PCSK7: variants seen among roughly 807,000 people sequenced by gnomAD.
The protein encoded by PCSK7 is lymphoma proprotein convertase.
PCSK7 carries 38 observed loss-of-function variants against 73.3 expected under a neutral mutation model. The observed-to-expected ratio is 0.52, with a 90% CI of 0.40 to 0.68. The LOEUF (loss-of-function observed/expected upper bound fraction) is 0.68, where lower values mean the gene tolerates loss of function less well. Ranked by LOEUF, PCSK7 falls within the 30% of genes least tolerant of loss-of-function variation. PCSK7 has a pLI of 0.00. For synonymous variants in PCSK7, 296 were observed against 383.8 expected (o/e 0.77, Z 2.68); for missense variants, 692 against 991.5 (o/e 0.70, Z 4.06).
chr11:117,217,730 T>C (rs1197214759), intron 12 of PCSK7: 2 of 151,988 alleles, frequency 1.3e-5, no homozygotes, highest in African/African-American at 4.8e-5. Context: ...TTGCAAAAAG[T>C]AGTAAATGAC....
chr11:117,208,734 G>C, intron 13 of PCSK7, 163 bp downstream of exon 13: 2 of 580,706 alleles, frequency 3.4e-6, no homozygotes, highest in South Asian at 4.8e-5. Flanking sequence ...TGAGGTGCAG[G>C]GCCTAGCGCT....
chr11:117,223,154 A>G, intron 9 of PCSK7, 54 bp downstream of exon 9: 2 of 1,005,604 alleles, frequency 2.0e-6, no homozygotes, highest in South Asian at 2.5e-5. Flanking sequence ...GATGTCTGAG[A>G]CGTGAAGTCT....
At chr11:117,207,222 GGCCCTGCCC>G (rs1314688500) in intron 14 of PCSK7, 62 bp from the exon 15 acceptor site, 1 of 754,916 alleles carries the variant, frequency 1.3e-6, no homozygotes, top group Non-Finnish European at 2.3e-6. Context: ...AGACAGCAGA[GGCCCTGCCC>G]GCCCTGCCAC....
Position 117,227,236 on chromosome 11 carries a change from C to A in PCSK7, c.690G>T (p.Thr230=), listed in dbSNP as rs2306473. The change falls in exon 5 of 17, where the codon ACG becomes ACT. Residue 230 remains threonine, a synonymous_variant. Transcript: ENST00000320934. ...PDVENGNHHG[T]RCAGEIAAVP... ...CAGCCGCGATCTCTCCTGCACATCG[C>A]GTGCCATGGTGGTTGCCATTCTCCA... The A allele has an allele frequency of 1.2e-6, 2 of 1,613,592 alleles. No homozygotes were observed. The highest frequency in any genetic ancestry group is 1.3e-5 in the African/African-American group (1 of 74,908).
chr11:117,213,909 C>T (rs1030218814), intron 12 of PCSK7: 1 of 151,330 alleles, frequency 6.6e-6, no homozygotes, highest in East Asian at 1.9e-4. Context: ...TCCCAGAAGA[C>T]GCCAGGGTTC....
rs764947798 is a variant in PCSK7, at chr11:117,219,694, G to T, written c.1220C>A (p.Ala407Asp). The T allele has an allele frequency of 6.2e-7, 1 of 1,611,670 alleles. No individual in the cohort carries two copies. Among genetic ancestry groups the T allele is most frequent in the East Asian group, 2.2e-5 (1 of 44,716 alleles). ...GCTEGHTGTS[A>D]AAPLAAGMIA... ...CATGCCAGCTGCCAGAGGCGCTGCA[G>T]CTGAGGTCCCTGTGTGGCCCTCAGT... Residue 407 changes from alanine (A) to aspartate (D), a missense_variant, in exon 10 of 17, where the codon GCT (alanine) becomes GAT (aspartate). This residue lies in a region of PCSK7 where 574 missense variants were observed against 689.8 expected (regional missense o/e 0.83). Transcript: ENST00000320934.
At chr11:117,226,470 C>T (rs1273399995) in intron 5 of PCSK7, 2 of 167,424 alleles carry the variant, frequency 1.2e-5, no homozygotes, top group African/African-American at 2.4e-5. Context: ...ACCATGTATA[C>T]GTATTACTTG....
chr11:117,222,576 G>A (rs2032244962), intron 9 of PCSK7: 1 of 152,004 alleles, frequency 6.6e-6, no homozygotes, highest in South Asian at 2.1e-4. Flanking sequence ...TTTACCAAAG[G>A]AAGACACTGC....
Position 117,218,769 on chromosome 11 carries a change from G to A in PCSK7, c.1432-201C>T, listed in dbSNP as rs563954775. On this transcript the variant is annotated intron_variant, in intron 11 of 16. Transcript: ENST00000320934. The surrounding 1 kb of genome is among the most constrained non-coding windows in gnomAD (Gnocchi z 4.0). ...TACAGCCCCCAGCTAAGGAACCAGA[G>A]GAAACAGCTGTGTCCAGGGTGGAGG... 37 of 565,778 alleles carry A rather than the reference G, an allele frequency of 6.5e-5. 1 individual carries two copies. The highest frequency in any genetic ancestry group is 4.4e-4 in the South Asian group (19 of 43,150). 35.0% of individuals were successfully genotyped at this position (565,778 alleles called of 1,614,324 possible).
At chr11:117,214,354 G>A (rs1412077297) in intron 12 of PCSK7, 1 of 151,860 alleles carries the variant, frequency 6.6e-6, no homozygotes, top group Non-Finnish European at 1.5e-5. Flanking sequence ...CTCATTTGTG[G>A]AGAGGTGGTA....
chr11:117,226,225 C>T (rs964512721), intron 5 of PCSK7: 3 of 568,318 alleles, frequency 5.3e-6, no homozygotes, highest in South Asian at 2.1e-5. Context: ...CAGCCTCCAC[C>T]TCCTGGGTTC....
chr11:117,224,816 C>CTGAGACTGGGAGGCGCTGGGTG, intron 6 of PCSK7, 61 bp from the exon 7 acceptor site: 1 of 1,262,100 alleles, frequency 7.9e-7, no homozygotes, highest in Non-Finnish European at 1.2e-6. Flanking sequence ...ACCCACCCAG[C>CTGAGACTGGGAGGCGCTGGGTG]GCCTCCCAGT....
In PCSK7 at chr11:117,219,867, C is replaced by T. The variant is rs933002743; in HGVS notation, c.1156-109G>A. ...CTGGGAGGCCCAGGCAGGAGGATTG[C>T]TTGAGCACAGGAGTTATGACTGTGC... On this transcript the variant is annotated intron_variant, in intron 9 of 16. Coordinates refer to ENST00000320934, the MANE Select transcript of PCSK7 (RefSeq NM_004716.4). 82 of 751,648 alleles carry T rather than the reference C, an allele frequency of 1.1e-4. No homozygotes were observed. The East Asian group carries it at 1.9e-3, about 17-fold the overall frequency. 46.6% of individuals were successfully genotyped at this position (751,648 alleles called of 1,614,324 possible).
chr11:117,228,295 T>C lies in PCSK7; in HGVS notation c.524A>G (p.Asn175Ser), dbSNP rs780033104. ...CACCGTCACCCCTCGCCCAGTCACA[T>C]TGCGTTCCCACACACCCGTCACGTT... ...DINVTGVWERNVTGRGVTVVV... is the reference protein window; with the variant it reads ...DINVTGVWERSVTGRGVTVVV... Residue 175 changes from asparagine to serine, a missense_variant, in exon 4 of 17, where the codon AAT (asparagine) becomes AGT (serine). By Grantham distance (46) the Asn-to-Ser change is conservative (BLOSUM62 1). Around this residue, in one of 6 missense-constraint regions of PCSK7, gnomAD observed 574 missense variants for 689.8 expected, o/e 0.83. Transcript: ENST00000320934. The C allele has an allele frequency of 1.7e-5, 28 of 1,613,824 alleles. No homozygotes were observed. Among genetic ancestry groups the C allele is most frequent in the Admixed American group, 1.7e-4 (10 of 59,992 alleles).
At chr11:117,229,117 A>G (rs1464869300) in intron 3 of PCSK7, among the ~76,000 whole-genome samples, 1 of 152,218 alleles carries the variant, frequency 6.6e-6, no homozygotes, top group Non-Finnish European at 1.5e-5. Context: ...GCTTGCCCAA[A>G]TGCACATGCT....
In PCSK7 at chr11:117,230,434, C is replaced by T. The variant is rs1425951375; in HGVS notation, c.-98G>A. On this transcript the variant is annotated 5_prime_UTR_variant, in exon 2 of 17. The change creates a new upstream start codon in the 5' untranslated region. Transcript: ENST00000320934. ...AAATGGAGAAAAGGCATCACTTTCACTGTGAGTAGTGTTGACTCAGCAAAG... is the reference window on the plus strand; with the variant it reads ...AAATGGAGAAAAGGCATCACTTTCATTGTGAGTAGTGTTGACTCAGCAAAG... 6.6e-6 allele frequency: 1 copy of T among 152,584 alleles called. No individual in the cohort carries two copies. Among genetic ancestry groups the T allele is most frequent in the Non-Finnish European group, 1.5e-5 (1 of 68,348 alleles). The allele number at this position is 152,584 out of a possible 1,614,324, so 9.5% of individuals were successfully genotyped here. A position where few individuals can be genotyped will look rare whatever the true frequency, so the allele number is the denominator to read the frequency against.
intron 12 of PCSK7, chr11:117,211,536 C>G (rs2031730950): frequency 6.6e-6 from 1 of 152,238 alleles, no homozygotes; most frequent in African/African-American, 2.4e-5. Flanking sequence ...CACAACCCCT[C>G]AAGCTCCTTT....
In PCSK7 at chr11:117,218,385, A is replaced by G; in HGVS notation, c.1534+81T>C. 1 of 704,238 alleles carries G rather than the reference A, an allele frequency of 1.4e-6. No homozygotes were observed. Among genetic ancestry groups the G allele is most frequent in the Non-Finnish European group, 2.3e-6 (1 of 427,374 alleles). The allele number at this position is 704,238 out of a possible 1,614,324, so 43.6% of individuals were successfully genotyped here. On this transcript the variant is annotated intron_variant, in intron 12 of 16. Coordinates refer to ENST00000320934, the MANE Select transcript of PCSK7 (RefSeq NM_004716.4). The surrounding 1 kb of genome is among the most constrained non-coding windows in gnomAD (Gnocchi z 4.0). ...GCTCCGAAAGGGGGTAGAATCTGGC[A>G]GGGAGGACGAGTTTAACTTCCTTGT...
At position 117,224,170 on chromosome 11, in the gene PCSK7, C is replaced by T. The variant is rs940965182; in HGVS notation, c.962G>A (p.Ser321Asn). 5.6e-6 allele frequency: 9 copies of T among 1,614,048 alleles called. No homozygotes were observed. Among genetic ancestry groups the T allele is most frequent in the Admixed American group, 1.7e-5 (1 of 60,000 alleles). ...GVIAGRQGFG[S>N]IFVVASGNGG... is the part of the protein sequence containing the mutation. The stretch of plus-strand genomic sequence containing the variant: ...GTTGCCACTGGCTACCACAAAGATG[C>T]TCCCAAAGCCCTGGCGACCAGCAAT... The change falls in exon 8 of 17, where the codon AGC becomes AAC. Residue 321 changes from serine (S) to asparagine (N), a missense_variant. Transcript: ENST00000320934.
Sources: gnomAD v4.1 joint callset for allele counts (sites outside exome capture counted in the v4.1 genomes callset) on GRCh38, gnomAD v4.1.1 for gene constraint, gnomAD v4.1.1 regional missense constraint, Gnocchi (gnomAD v3.1) non-coding constraint, MANE v1.5 for transcripts, NCBI Gene and HGNC (gene_info 2026-07-23, HGNC 2026-07-21) for gene names.